The following SLC12A1 variants were observed in gnomAD, a reference collection of about 807,000 sequenced individuals.
SLC12A1 encodes solute carrier family 12 member 1.
In SLC12A1, 89 loss-of-function variants were observed where a neutral mutation model predicts 130.4. That is an observed-to-expected ratio of 0.68 (90% confidence interval 0.58 to 0.81). SLC12A1 has a LOEUF of 0.81. Ranked by LOEUF, SLC12A1 falls within the 40% of genes least tolerant of loss-of-function variation. The probability of loss-of-function intolerance (pLI) is 0.00; values close to 1 mark genes in which losing one functional copy is unlikely to be tolerated. For synonymous variants in SLC12A1, 499 were observed against 460.0 expected (o/e 1.08, Z -1.09); for missense variants, 1,310 against 1,336.4 (o/e 0.98, Z 0.31).
chr15:48,278,121 T>G (rs2041973701), intron 20 of SLC12A1, among the ~76,000 whole-genome samples: 1 of 152,214 alleles, frequency 6.6e-6, no homozygotes, highest in African/African-American at 2.4e-5. Flanking sequence ...TAGAACTTAA[T>G]ACTTTAGTAG....
chr15:48,232,902 C>A (rs903686495), intron 8 of SLC12A1, 64 bp downstream of exon 8: 2 of 944,312 alleles, frequency 2.1e-6, no homozygotes, highest in Non-Finnish European at 3.4e-6. Context: ...CATCACCATC[C>A]CCATCAACCC....
chr15:48,254,797 G>A (rs1473960834), intron 15 of SLC12A1, among the ~76,000 whole-genome samples: 4 of 151,758 alleles, frequency 2.6e-5, no homozygotes, highest in Admixed American at 1.3e-4. Context: ...GGTGGCGGGC[G>A]CCTGTAGTCC....
At chr15:48,299,737 G>T (rs1231346385) in intron 25 of SLC12A1, among the ~76,000 whole-genome samples, 1 of 152,192 alleles carries the variant, frequency 6.6e-6, no homozygotes, top group African/African-American at 2.4e-5. Flanking sequence ...GAATATGGAA[G>T]CTGGATCCAG....
Position 48,207,733 on chromosome 15 carries a change from A to G in SLC12A1, c.14A>G (p.Asn5Ser), listed in dbSNP as rs376723001. The G allele has an allele frequency of 7.0e-6, 11 of 1,576,668 alleles. No homozygotes were observed. In the African/African-American group the frequency reaches 1.2e-4, roughly 18 times the overall value. Reference sequence around the variant, plus strand: ...CAATTTTGGAAGATGTCACTGAACAACTCTTCCAATGTATTTCTGGATTCA... The same window carrying G: ...CAATTTTGGAAGATGTCACTGAACAGCTCTTCCAATGTATTTCTGGATTCA... The part of the protein sequence containing the change: MSLN[N>S]SSNVFLDSVP... Residue 5 changes from asparagine (N) to serine (S), a missense_variant, in exon 2 of 27, where the codon AAC becomes AGC. Physicochemically the swap from Asn to Ser is conservative, Grantham distance 46. Coordinates refer to ENST00000380993, the MANE Select transcript of SLC12A1 (RefSeq NM_000338.3).
chr15:48,228,736 A>G (rs1196187143), intron 5 of SLC12A1: 1 of 161,996 alleles, frequency 6.2e-6, no homozygotes, highest in Non-Finnish European at 1.4e-5. Flanking sequence ...GTGTAAATAT[A>G]TATTTTACAT....
chr15:48,291,748 T>A (rs777211655), intron 23 of SLC12A1, 30 bp from the exon 24 acceptor site: 1 of 1,277,296 alleles, frequency 7.8e-7, no homozygotes, highest in South Asian at 1.3e-5. Flanking sequence ...AAATATGCAA[T>A]GATGAAGTAT....
intron 7 of SLC12A1, among the ~76,000 whole-genome samples, chr15:48,231,364 G>A (rs1323787942): frequency 6.6e-6 from 1 of 152,146 alleles, no homozygotes; most frequent in Admixed American, 6.6e-5. Context: ...AATATAAAAA[G>A]AGAATTTGTG....
chr15:48,220,138 GATAGA>G (rs1197008358), intron 2 of SLC12A1, among the ~76,000 whole-genome samples: 5 of 127,950 alleles, frequency 3.9e-5, no homozygotes, highest in African/African-American at 1.6e-4. Context: ...AAGGTAGATA[GATAGA>G]TAGATAGATA....
chr15:48,243,647 C>T (rs1381567201), intron 10 of SLC12A1, among the ~76,000 whole-genome samples: 1 of 152,178 alleles, frequency 6.6e-6, no homozygotes, highest in Non-Finnish European at 1.5e-5. Context: ...GAGCGAGACT[C>T]TGTCTCAAAA....
At chr15:48,275,788 T>C (rs1179881383) in intron 20 of SLC12A1, among the ~76,000 whole-genome samples, 1 of 152,200 alleles carries the variant, frequency 6.6e-6, no homozygotes, top group Non-Finnish European at 1.5e-5. Context: ...AAGGAGGATC[T>C]AGACTGTAAA....
chr15:48,258,392 A>C (rs2041733628), intron 16 of SLC12A1, among the ~76,000 whole-genome samples: 1 of 141,298 alleles, frequency 7.1e-6, no homozygotes, highest in African/African-American at 2.5e-5. Flanking sequence ...AAAAAGAGTG[A>C]CCTTTACTCC....
chr15:48,272,161 G>A (rs1306656441), intron 19 of SLC12A1, among the ~76,000 whole-genome samples: 2 of 152,034 alleles, frequency 1.3e-5, no homozygotes, highest in South Asian at 2.1e-4. Context: ...TTCAATATTA[G>A]GGTGACCCAG....
intron 14 of SLC12A1, 125 bp downstream of exon 14, chr15:48,249,801 G>T (rs913131657): frequency 2.9e-6 from 2 of 679,598 alleles, no homozygotes; most frequent in African/African-American, 3.6e-5. Context: ...AGTGGGAAGC[G>T]TAATCCACTT....
rs776253439 is a variant in SLC12A1 at position 48,288,068 on chromosome 15, G to A, written c.2655G>A (p.Ser885=). 3.1e-6 allele frequency: 5 copies of A among 1,610,832 alleles called. No individual in the cohort carries two copies. The highest frequency in any genetic ancestry group is 2.2e-5 in the East Asian group (1 of 44,824). The change falls in exon 22 of 27, where the codon TCG becomes TCA. Residue 885 remains serine (S), a synonymous_variant. Transcript: ENST00000380993. ...KKDGSINTSQ[S]MHVGEFNQKL... ...ATGGCAGCATTAACACAAGCCAGTC[G>A]ATGCATGTGGGAGAGTTCAACCAGA...
At chr15:48,265,925 G>A (rs1389351190) in intron 17 of SLC12A1, among the ~76,000 whole-genome samples, 1 of 152,162 alleles carries the variant, frequency 6.6e-6, no homozygotes. Context: ...TATTAACCCA[G>A]TGTGTCCAAA....
At chr15:48,263,636 C>T (rs1034115498) in intron 17 of SLC12A1, among the ~76,000 whole-genome samples, 1 of 148,596 alleles carries the variant, frequency 6.7e-6, no homozygotes, top group Non-Finnish European at 1.5e-5. Flanking sequence ...GAGTCCCTGC[C>T]TAAAAAAAGA....
Position 48,274,667 on chromosome 15 carries a change from T to G in SLC12A1, c.2485+14T>G, listed in dbSNP as rs1451543688. ...TTCAGGTGCAAGGTATGTACTTTCT[T>G]TATTCAACCAACAAGTATTTATTGA... On this transcript the variant is annotated intron_variant, in intron 20 of 26. Transcript: ENST00000380993. 9 of 1,578,332 alleles carry G rather than the reference T, an allele frequency of 5.7e-6. No homozygotes were observed. The highest frequency in any genetic ancestry group is 7.8e-6 in the Non-Finnish European group (9 of 1,148,734).
At chr15:48,234,196 T>C (rs191106745) in intron 8 of SLC12A1, among the ~76,000 whole-genome samples, 17 of 152,276 alleles carry the variant, frequency 1.1e-4, no homozygotes, top group Non-Finnish European at 2.2e-4. Flanking sequence ...TAGTTGTGTG[T>C]GTGTGTGAAT....
intron 4 of SLC12A1, chr15:48,222,771 A>G (rs116787226): frequency 1.9e-3 from 288 of 152,294 alleles, no homozygotes; most frequent in African/African-American, 6.8e-3. Flanking sequence ...AAACAAACAC[A>G]TCTATTTGTT....
Sources: gnomAD v4.1 joint callset for allele counts (sites outside exome capture counted in the v4.1 genomes callset) on GRCh38, gnomAD v4.1.1 for gene constraint, MANE v1.5 for transcripts, NCBI Gene and HGNC (gene_info 2026-07-23, HGNC 2026-07-21) for gene names.